Variants in HMCN1 observed in about 807,000 individuals in gnomAD.
HMCN1 encodes the protein hemicentin-1.
Under a neutral mutation model 625.9 loss-of-function variants are expected in HMCN1, and 321 were observed. The observed-to-expected ratio is 0.51, with a 90% CI of 0.47 to 0.56. HMCN1 has a LOEUF of 0.56. HMCN1 is among the 20% of genes least tolerant of loss of function. HMCN1 has a pLI of 0.00. For synonymous variants in HMCN1, 2,425 were observed against 2,417.6 expected (o/e 1.00, Z -0.09); for missense variants, 6,588 against 6,887.3 (o/e 0.96, Z 1.54).
chr1:185,865,952 A>G lies in HMCN1; in HGVS notation c.621+89A>G. ...CTAATTATGACAGATTTGATTTCAA[A>G]AACAATTTTAACCAAAAGGTATAAC... is the stretch of plus-strand genomic sequence containing the variant. On this transcript the variant is annotated intron_variant, in intron 4 of 106. Transcript: ENST00000271588. The G allele has an allele frequency of 2.2e-6, 3 of 1,378,280 alleles. No homozygotes were observed. The South Asian group carries it at 3.6e-5, about 16-fold the overall frequency. 85.4% of individuals were successfully genotyped at this position (1,378,280 alleles called of 1,614,324 possible). A position where few individuals can be genotyped will look rare whatever the true frequency, so the allele number is the denominator to read the frequency against.
intron 86 of HMCN1, among the ~76,000 whole-genome samples, chr1:186,134,967 C>T (rs1464777888): frequency 6.6e-6 from 1 of 152,154 alleles, no homozygotes; most frequent in African/African-American, 2.4e-5. Flanking sequence ...GTGAACCTTC[C>T]TTTCTATTCT....
chr1:186,150,675 C>CAACAAAT (rs373151262), intron 93 of HMCN1, among the ~76,000 whole-genome samples: 7 of 152,106 alleles, frequency 4.6e-5, no homozygotes, highest in African/African-American at 1.7e-4. Context: ...ATGAAGGAGG[C>CAACAAAT]AACAAATAAA....
chr1:185,759,181 T>C (rs926571628), intron 1 of HMCN1, among the ~76,000 whole-genome samples: 6 of 152,232 alleles, frequency 3.9e-5, no homozygotes, highest in Non-Finnish European at 8.8e-5. Context: ...GTTGTCCTTC[T>C]CCTATTTCCT....
At chr1:186,124,674 C>A (rs113211330) in intron 81 of HMCN1, among the ~76,000 whole-genome samples, 5 of 151,724 alleles carry the variant, frequency 3.3e-5, no homozygotes, top group Non-Finnish European at 7.4e-5. Flanking sequence ...CTATTTTAAT[C>A]GAAAACAGTT....
chr1:186,051,832 G>A (rs949162037), intron 42 of HMCN1, among the ~76,000 whole-genome samples: 1 of 151,996 alleles, frequency 6.6e-6, no homozygotes, highest in African/African-American at 2.4e-5. Flanking sequence ...ATTCAGTTAA[G>A]TCAATGGGAA....
chr1:185,928,517 C>T, intron 9 of HMCN1, 29 bp from the exon 10 acceptor site: 1 of 1,598,850 alleles, frequency 6.3e-7, no homozygotes, highest in South Asian at 1.1e-5. Flanking sequence ...TTTATAGTAA[C>T]TAAAAGTTTT....
At position 186,095,266 on chromosome 1, in the gene HMCN1, A is replaced by G. The variant is rs1179633875; in HGVS notation, c.10318A>G (p.Met3440Val). The change falls in exon 68 of 107, where the codon ATG becomes GTG. Residue 3440 changes from methionine (M) to valine (V), a missense_variant. This residue lies in a region of HMCN1 where 4,628 missense variants were observed against 4,853.1 expected (regional missense o/e 0.95). Coordinates refer to ENST00000271588, the MANE Select transcript of HMCN1 (RefSeq NM_031935.3). ...AGCACCACCAAATATGGACAATTCA[A>G]TGGGGACAGAGGAAATCACAGTTCT... ...VFAPPNMDNSMGTEEITVLKG... is the reference protein window; with the variant it reads ...VFAPPNMDNSVGTEEITVLKG... 3.1e-6 allele frequency: 5 copies of G among 1,613,604 alleles called. No individual in the cohort carries two copies. The highest frequency in any genetic ancestry group is 8.5e-7 in the Non-Finnish European group (1 of 1,179,796).
At chr1:186,132,094 A>G (rs938068000) in intron 85 of HMCN1, among the ~76,000 whole-genome samples, 9 of 152,188 alleles carry the variant, frequency 5.9e-5, no homozygotes, top group African/African-American at 1.9e-4. Context: ...ATGATAGGCT[A>G]TTTTGAGAAA....
chr1:185,953,938 G>A (rs1196915302), intron 11 of HMCN1, among the ~76,000 whole-genome samples: 1 of 148,084 alleles, frequency 6.8e-6, no homozygotes, highest in African/African-American at 2.5e-5. Flanking sequence ...TCAAAGGGGG[G>A]TTGTTCTCTG....
At position 185,948,202 on chromosome 1, in the gene HMCN1, C is replaced by T. The variant is rs138225777; in HGVS notation, c.1829-14316C>T. On this transcript the variant is annotated intron_variant, in intron 11 of 106. Coordinates refer to ENST00000271588, the MANE Select transcript of HMCN1 (RefSeq NM_031935.3). ...AGAAATTAGTTCCCTTAATTAAATT[C>T]GAATGTTCTTTCAGTTTCTCATGTA... Among the ~76,000 whole-genome samples the T allele has an allele frequency of 9.3e-3, 1,411 of 152,210 alleles. 17 individuals are homozygous for T. Among genetic ancestry groups the T allele is most frequent in the Non-Finnish European group, 0.011 (759 of 68,016 alleles).
intron 6 of HMCN1, among the ~76,000 whole-genome samples, chr1:185,917,444 C>T (rs1166140337): frequency 1.3e-5 from 2 of 152,146 alleles, no homozygotes; most frequent in Non-Finnish European, 2.9e-5. Context: ...TTTTGAACCT[C>T]TGTTTCTTTG....
rs1289320520 is a variant in HMCN1, at chr1:186,095,460, C to T, written c.10512C>T (p.Tyr3504=). Residue 3504 remains tyrosine, a synonymous_variant, in exon 68 of 107, where the codon TAC becomes TAT. Transcript: ENST00000271588. The part of the protein sequence containing the change: ...LKAETEDSGK[Y]TCIASNEAGE... The stretch of plus-strand genomic sequence containing the variant: ...CAGAGACTGAAGATTCGGGAAAGTA[C>T]ACCTGCATTGCCTCAAATGAAGCTG... The T allele has an allele frequency of 6.2e-7, 1 of 1,613,596 alleles. No homozygotes were observed. The highest frequency in any genetic ancestry group is 1.3e-5 in the African/African-American group (1 of 74,884).
In HMCN1 at chr1:186,117,507, A is replaced by G. The variant is rs1187882812; in HGVS notation, c.11732A>G (p.His3911Arg). The G allele has an allele frequency of 6.2e-6, 10 of 1,613,726 alleles. No individual in the cohort carries two copies. Among genetic ancestry groups the G allele is most frequent in the Non-Finnish European group, 8.5e-6 (10 of 1,179,838 alleles). ...CCTACAGATTTCCTAGTAACCAAAC[A>G]TGCCCCAGCAGTAATTACCTGCACT... ...DEPTDFLVTK[H>R]APAVITCTAS... is the part of the protein sequence containing the mutation. The change falls in exon 77 of 107, where the codon CAT (histidine) becomes CGT (arginine). Residue 3911 changes from histidine to arginine, a missense_variant. By Grantham distance (29) the His-to-Arg change is conservative. This residue lies in a region of HMCN1 where 4,628 missense variants were observed against 4,853.1 expected (regional missense o/e 0.95). Coordinates refer to ENST00000271588, the MANE Select transcript of HMCN1 (RefSeq NM_031935.3).
At position 185,812,115 on chromosome 1, in the gene HMCN1, A is replaced by C. The variant is rs564308252; in HGVS notation, c.269-33911A>C. 2.6e-5 allele frequency among the ~76,000 whole-genome samples: 4 copies of C among 152,120 alleles called. No homozygotes were observed. In the South Asian group the frequency reaches 8.3e-4, roughly 32 times the overall value. ...AGTTTTTGAAGATGGCCAACATTAA[A>C]AGTTTTTATCTGCTTAATAGTATGT... On this transcript the variant is annotated intron_variant, in intron 1 of 106. Coordinates refer to ENST00000271588, the MANE Select transcript of HMCN1 (RefSeq NM_031935.3).
intron 83 of HMCN1, among the ~76,000 whole-genome samples, chr1:186,129,190 A>T (rs550514588): frequency 6.6e-5 from 8 of 121,818 alleles, no homozygotes; most frequent in Non-Finnish European, 1.3e-4. Context: ...AATATTCAGC[A>T]GTAAAAGATT....
chr1:186,162,755 T>C (rs983844131), intron 97 of HMCN1, among the ~76,000 whole-genome samples: 17 of 152,322 alleles, frequency 1.1e-4, no homozygotes, highest in African/African-American at 3.8e-4. Context: ...AATGCTGCTG[T>C]CTGATCGTTC....
chr1:185,969,273 C>T (rs747758762), intron 14 of HMCN1, among the ~76,000 whole-genome samples: 11 of 152,072 alleles, frequency 7.2e-5, no homozygotes, highest in Non-Finnish European at 1.5e-4. Flanking sequence ...TATGTAGTAG[C>T]GAGTTTAAAA....
intron 99 of HMCN1, 150 bp downstream of exon 99, chr1:186,166,453 T>A: frequency 9.7e-7 from 1 of 1,025,826 alleles, no homozygotes; most frequent in Non-Finnish European, 1.5e-6. Context: ...GCTGAGAAAG[T>A]AAGAAAGCAG....
rs372107481 is a variant in HMCN1 at position 186,114,130 on chromosome 1, A to G, written c.11276+7A>G. 6.2e-5 allele frequency: 100 copies of G among 1,614,036 alleles called. No homozygotes were observed. The Middle Eastern group carries it at 9.9e-4, about 16-fold the overall frequency. On this transcript the variant is annotated splice_region_variant and intron_variant, in intron 73 of 106. Transcript: ENST00000271588. ...TAGCTGGGAATCATGCAAGGTAACC[A>G]TACTGGAAAATTAAAAAATGCTATA...
Sources: allele counts gnomAD v4.1 joint callset (sites outside exome capture counted in the v4.1 genomes callset), GRCh38; gene constraint gnomAD v4.1.1; regional missense constraint gnomAD v4.1.1; transcripts MANE v1.5; gene names NCBI Gene and HGNC (gene_info 2026-07-23, HGNC 2026-07-21).